The following EPHA3 variants were observed in gnomAD, a reference collection of about 807,000 sequenced individuals.
EPHA3 encodes the protein ephrin type-A receptor 3.
Under a neutral mutation model 107.1 loss-of-function variants are expected in EPHA3, and 42 were observed. That is an observed-to-expected ratio of 0.39 (90% CI 0.31 to 0.51). EPHA3 has a LOEUF of 0.51. EPHA3 is among the 20% of genes least tolerant of loss of function. The pLI, the probability that EPHA3 is intolerant of heterozygous loss-of-function variation, is 0.78. For synonymous variants in EPHA3, 461 were observed against 424.8 expected, an observed-to-expected ratio of 1.09 and a Z score of -1.05; for missense variants, 1,183 against 1,211.2, an observed-to-expected ratio of 0.98 and a Z score of 0.35.
At chr3:89,149,109 T>C (rs561151928) in intron 2 of EPHA3, among the ~76,000 whole-genome samples, 3 of 152,096 alleles carry the variant, frequency 2.0e-5, no homozygotes, top group Admixed American at 1.3e-4. Flanking sequence ...GAAGATACTA[T>C]TGCCTAAACA....
At chr3:89,136,583 G>T (rs1231192122) in intron 2 of EPHA3, among the ~76,000 whole-genome samples, 1 of 151,400 alleles carries the variant, frequency 6.6e-6, no homozygotes, top group Non-Finnish European at 1.5e-5. Flanking sequence ...TAGGAGATTG[G>T]ATTAGAATTT....
At chr3:89,268,369 T>A (rs1436542730) in intron 3 of EPHA3, among the ~76,000 whole-genome samples, 2 of 152,170 alleles carry the variant, frequency 1.3e-5, no homozygotes, top group African/African-American at 4.8e-5. Flanking sequence ...TGTCTGTTCA[T>A]GTGGCTAATC....
intron 2 of EPHA3, among the ~76,000 whole-genome samples, chr3:89,137,122 G>T (rs1272945538): frequency 6.6e-6 from 1 of 151,900 alleles, no homozygotes; most frequent in Non-Finnish European, 1.5e-5. Context: ...GCAAAATAGT[G>T]TATGGCAGAC....
Position 89,318,568 on chromosome 3 carries a change from G to T in EPHA3, c.815-22348G>T, listed in dbSNP as rs139272954. Among the ~76,000 whole-genome samples, 61 of 151,944 alleles carry T rather than the reference G, an allele frequency of 4.0e-4. No homozygotes were observed. In the East Asian group the frequency reaches 0.011, roughly 27 times the overall value. On this transcript the variant is annotated intron_variant, in intron 3 of 16. Coordinates refer to ENST00000336596, the MANE Select transcript of EPHA3 (RefSeq NM_005233.6). ...ATAATCCAATAAAGTATCAAAGTTTGCAGTAAATGGTCAGACGGCCGGCCA... is the reference window on the plus strand; with the variant it reads ...ATAATCCAATAAAGTATCAAAGTTTTCAGTAAATGGTCAGACGGCCGGCCA...
At chr3:89,335,780 A>C (rs1470227576) in intron 3 of EPHA3, among the ~76,000 whole-genome samples, 1 of 152,200 alleles carries the variant, frequency 6.6e-6, no homozygotes, top group Non-Finnish European at 1.5e-5. Flanking sequence ...CACTTGAAAG[A>C]TTTTAAACTA....
At chr3:89,415,588 C>G (rs1301955339) in intron 10 of EPHA3, among the ~76,000 whole-genome samples, 2 of 149,356 alleles carry the variant, frequency 1.3e-5, no homozygotes, top group Non-Finnish European at 3.0e-5. Context: ...AAGAATTATA[C>G]TTATACTATA....
At chr3:89,396,307 C>A (rs1404526121) in intron 6 of EPHA3, among the ~76,000 whole-genome samples, 1 of 152,006 alleles carries the variant, frequency 6.6e-6, no homozygotes, top group Non-Finnish European at 1.5e-5. Context: ...TTTTTTAGTT[C>A]ATTGCCTCAA....
intron 2 of EPHA3, among the ~76,000 whole-genome samples, chr3:89,156,345 A>T (rs1166420422): frequency 6.6e-6 from 1 of 152,082 alleles, no homozygotes; most frequent in Non-Finnish European, 1.5e-5. Flanking sequence ...ACAAGAAGAG[A>T]GCAGATTTAA....
At chr3:89,189,524 C>T (rs1156985988) in intron 2 of EPHA3, among the ~76,000 whole-genome samples, 2 of 152,068 alleles carry the variant, frequency 1.3e-5, no homozygotes, top group Non-Finnish European at 2.9e-5. Context: ...ACCCAGGAGG[C>T]GGAGGTTGCA....
At chr3:89,457,762 T>C (rs1407446103) in intron 15 of EPHA3, among the ~76,000 whole-genome samples, 2 of 152,214 alleles carry the variant, frequency 1.3e-5, no homozygotes, top group African/African-American at 4.8e-5. Context: ...TGGCAGCTAC[T>C]TCTAAAAAGG....
At chr3:89,353,382 T>A (rs150885782) in intron 5 of EPHA3, among the ~76,000 whole-genome samples, 2,390 of 151,590 alleles carry the variant, frequency 0.016, 95 homozygotes, top group African/African-American at 0.055. Context: ...ATGACTTTAG[T>A]AATGTTCTAT....
At chr3:89,455,223 G>A (rs1356139962) in intron 15 of EPHA3, among the ~76,000 whole-genome samples, 7 of 152,150 alleles carry the variant, frequency 4.6e-5, no homozygotes, top group South Asian at 2.1e-4. Flanking sequence ...GTAAATGGCC[G>A]TGATGGGCGA....
At chr3:89,208,693 A>C (rs1706188710) in intron 2 of EPHA3, among the ~76,000 whole-genome samples, 1 of 152,114 alleles carries the variant, frequency 6.6e-6, no homozygotes, top group African/African-American at 2.4e-5. Context: ...TTCGTAAACA[A>C]TAAAAGAGTT....
At chr3:89,302,505 A>C (rs576406343) in intron 3 of EPHA3, among the ~76,000 whole-genome samples, 7 of 152,272 alleles carry the variant, frequency 4.6e-5, no homozygotes, top group African/African-American at 1.4e-4. Flanking sequence ...AGAGTAAGGA[A>C]CTGAGGAGGT....
At chr3:89,107,928 G>A in intron 1 of EPHA3, 92 bp downstream of exon 1, 1 of 1,284,554 alleles carries the variant, frequency 7.8e-7, no homozygotes, top group South Asian at 1.2e-5. Flanking sequence ...CGTCGGGAAG[G>A]TGCCTCCGAA....
rs1337005006 is a variant in EPHA3 at position 89,386,161 on chromosome 3, T to C, written c.1307-9676T>C. On this transcript the variant is annotated intron_variant, in intron 5 of 16. Coordinates refer to ENST00000336596, the MANE Select transcript of EPHA3 (RefSeq NM_005233.6). Reference sequence around the variant, plus strand: ...TGGAGTAGAAAAGAAAAACTCATTTTGGTGGGGGAGAAATTCAAGCTGGCT... The same window carrying C: ...TGGAGTAGAAAAGAAAAACTCATTTCGGTGGGGGAGAAATTCAAGCTGGCT... Among the ~76,000 whole-genome samples the C allele has an allele frequency of 5.9e-5, 9 of 152,062 alleles. No individual in the cohort carries two copies. The East Asian group carries it at 1.7e-3, about 29-fold the overall frequency.
At chr3:89,122,292 G>A (rs1707408881) in intron 1 of EPHA3, among the ~76,000 whole-genome samples, 2 of 152,108 alleles carry the variant, frequency 1.3e-5, no homozygotes, top group Admixed American at 1.3e-4. Context: ...TCAAAGGATG[G>A]GCTTATTTTT....
intron 3 of EPHA3, among the ~76,000 whole-genome samples, chr3:89,291,452 AAGAT>A (rs1254538880): frequency 2.6e-5 from 4 of 152,158 alleles, no homozygotes; most frequent in Admixed American, 6.6e-5. Context: ...GACAAAGAAA[AAGAT>A]AGAGACAGAT....
chr3:89,111,539 G>A (rs75472552), intron 1 of EPHA3, among the ~76,000 whole-genome samples: 4,931 of 123,864 alleles, frequency 0.04, 282 homozygotes, highest in African/African-American at 0.14. Flanking sequence ...ATGGTTAACT[G>A]TGCTATTTGC....
Sources: gnomAD v4.1 joint callset for allele counts (sites outside exome capture counted in the v4.1 genomes callset) on GRCh38, gnomAD v4.1.1 for gene constraint, MANE v1.5 for transcripts, NCBI Gene and HGNC (gene_info 2026-07-23, HGNC 2026-07-21) for gene names.